PRKAR2B: variants seen among roughly 807,000 people sequenced by gnomAD.
PRKAR2B encodes the protein cAMP-dependent protein kinase type II-beta regulatory subunit.
In PRKAR2B, 14 loss-of-function variants were observed where a neutral mutation model predicts 49.9. The observed-to-expected ratio is 0.28, with a 90% CI of 0.19 to 0.44. The LOEUF (loss-of-function observed/expected upper bound fraction) is 0.44. Among genes scored for constraint, PRKAR2B ranks in the 20% least tolerant of loss-of-function variants. PRKAR2B has a pLI of 1.00. For synonymous variants in PRKAR2B, 196 were observed against 197.7 expected (o/e 0.99, Z 0.07); for missense variants, 393 against 537.9 (o/e 0.73, Z 2.67).
intron 2 of PRKAR2B, among the ~76,000 whole-genome samples, chr7:107,120,681 G>A (rs1322382862): frequency 1.3e-5 from 2 of 152,078 alleles, no homozygotes; most frequent in African/African-American, 4.8e-5. Context: ...AAGGTCAAAA[G>A]CAGTGATACT....
intron 1 of PRKAR2B, 109 bp from the exon 2 acceptor site, chr7:107,070,172 A>C (rs1794235003): frequency 3.0e-6 from 2 of 668,184 alleles, no homozygotes; most frequent in Non-Finnish European, 5.0e-6. Flanking sequence ...TTATTTATTC[A>C]TCTTTTTCTT....
At chr7:107,073,813 C>T (rs1794333780) in intron 2 of PRKAR2B, among the ~76,000 whole-genome samples, 1 of 152,144 alleles carries the variant, frequency 6.6e-6, no homozygotes, top group Non-Finnish European at 1.5e-5. Flanking sequence ...GTAATCCCAG[C>T]ACTTTGGGAG....
intron 4 of PRKAR2B, among the ~76,000 whole-genome samples, chr7:107,132,770 A>G (rs1441789324): frequency 2.6e-5 from 4 of 152,272 alleles, no homozygotes; most frequent in Admixed American, 1.3e-4. Context: ...CTTTGTGTCT[A>G]CTATTTCATT....
rs1220062171 is a variant in PRKAR2B, at chr7:107,160,058, T to C, written c.*476T>C. 1 of 153,076 alleles carries C rather than the reference T, an allele frequency of 6.5e-6. No homozygotes were observed. The highest frequency in any genetic ancestry group is 1.5e-5 in the Non-Finnish European group (1 of 68,358). The allele number at this position is 153,076 out of a possible 1,614,324, so 9.5% of individuals were successfully genotyped here. ...AGTAAAATTTTAATCATTTTTGTTTTAAAGTTTTCTAGCTTGATAAGTTAT... is the reference window on the plus strand; with the variant it reads ...AGTAAAATTTTAATCATTTTTGTTTCAAAGTTTTCTAGCTTGATAAGTTAT... On this transcript the variant is annotated 3_prime_UTR_variant, in exon 11 of 11. Transcript: ENST00000265717.
At chr7:107,114,330 G>GTGTGTACAGC (rs1213675562) in intron 2 of PRKAR2B, among the ~76,000 whole-genome samples, 1 of 38,114 alleles carries the variant, frequency 2.6e-5, no homozygotes, top group Non-Finnish European at 5.4e-5. Context: ...ACAGCTGTGT[G>GTGTGTACAGC]TGTGTGTGTG....
chr7:107,076,382 A>G (rs186723175), intron 2 of PRKAR2B, among the ~76,000 whole-genome samples: 1 of 152,120 alleles, frequency 6.6e-6, no homozygotes, highest in East Asian at 1.9e-4. Flanking sequence ...TATTGCATTT[A>G]ATTGTCATGA....
At chr7:107,144,148 A>T (rs1320570290) in intron 5 of PRKAR2B, among the ~76,000 whole-genome samples, 1 of 151,540 alleles carries the variant, frequency 6.6e-6, no homozygotes, top group Non-Finnish European at 1.5e-5. Flanking sequence ...GCAGTGGCGC[A>T]ATCTCAGCTC....
At chr7:107,063,605 G>A (rs980769473) in intron 1 of PRKAR2B, among the ~76,000 whole-genome samples, 4 of 152,170 alleles carry the variant, frequency 2.6e-5, no homozygotes, top group African/African-American at 9.7e-5. Context: ...CTGAGAGGGG[G>A]TTATTTGAGC....
At chr7:107,076,816 T>C (rs1482065574) in intron 2 of PRKAR2B, among the ~76,000 whole-genome samples, 1 of 152,226 alleles carries the variant, frequency 6.6e-6, no homozygotes, top group African/African-American at 2.4e-5. Context: ...AATTTCAATC[T>C]CACACACCTA....
chr7:107,102,979 T>G lies in PRKAR2B; in HGVS notation c.344-18973T>G, dbSNP rs147744968. 1.2e-3 allele frequency among the ~76,000 whole-genome samples: 189 copies of G among 152,272 alleles called. 1 individual carries two copies. The highest frequency in any genetic ancestry group is 4.2e-3 in the African/African-American group (173 of 41,560). ...AGCCACCATGCTCAGCTGAAAGAAA[T>G]AGTTTTTCAAAATATATTACTGCAT... On this transcript the variant is annotated intron_variant, in intron 2 of 10. Coordinates refer to ENST00000265717, the MANE Select transcript of PRKAR2B (RefSeq NM_002736.3).
At chr7:107,107,816 C>G (rs924242252) in intron 2 of PRKAR2B, among the ~76,000 whole-genome samples, 7 of 152,052 alleles carry the variant, frequency 4.6e-5, no homozygotes, top group African/African-American at 1.7e-4. Flanking sequence ...CGCCACCATG[C>G]CCAGCTAATT....
chr7:107,141,534 C>CA (rs1417452151), intron 5 of PRKAR2B, among the ~76,000 whole-genome samples: 1 of 151,630 alleles, frequency 6.6e-6, no homozygotes, highest in African/African-American at 2.4e-5. Flanking sequence ...CTACTAAATA[C>CA]AAAAAAAATT....
In PRKAR2B at chr7:107,044,841, G is replaced by C; in HGVS notation, c.-67G>C. ...CCGTAGGCGCTCGCTCGGCAGCCGCGGGGCCCTAGGCCGTGCCGGGGAGGG... is the reference window on the plus strand; with the variant it reads ...CCGTAGGCGCTCGCTCGGCAGCCGCCGGGCCCTAGGCCGTGCCGGGGAGGG... On this transcript the variant is annotated 5_prime_UTR_variant, in exon 1 of 11. Transcript: ENST00000265717. The C allele has an allele frequency of 7.9e-7, 1 of 1,262,488 alleles. No individual in the cohort carries two copies. The highest frequency in any genetic ancestry group is 1.0e-6 in the Non-Finnish European group (1 of 988,052). 78.2% of individuals were successfully genotyped at this position (1,262,488 alleles called of 1,614,324 possible). A position where few individuals can be genotyped will look rare whatever the true frequency, so the allele number is the denominator to read the frequency against.
chr7:107,098,558 C>T (rs981739941), intron 2 of PRKAR2B, among the ~76,000 whole-genome samples: 6 of 152,124 alleles, frequency 3.9e-5, no homozygotes, highest in Admixed American at 3.3e-4. Context: ...CTGTTGGTGG[C>T]GAGGAGCTGT....
intron 4 of PRKAR2B, among the ~76,000 whole-genome samples, chr7:107,133,164 A>AT (rs1795632269): frequency 6.6e-6 from 1 of 152,196 alleles, no homozygotes; most frequent in Non-Finnish European, 1.5e-5. Context: ...TGCATATTAA[A>AT]TATTTCCTAA....
At chr7:107,083,611 CTTGTTG>C (rs750753020) in intron 2 of PRKAR2B, among the ~76,000 whole-genome samples, 1 of 151,664 alleles carries the variant, frequency 6.6e-6, no homozygotes, top group Non-Finnish European at 1.5e-5. Flanking sequence ...CTAGTTTTTT[CTTGTTG>C]TTGTTGTTGT....
intron 1 of PRKAR2B, chr7:107,067,292 C>T (rs1360357057): frequency 2.0e-5 from 3 of 152,136 alleles, no homozygotes; most frequent in Non-Finnish European, 4.4e-5. Flanking sequence ...CGTTAACTTG[C>T]TGAAAGTTTG....
intron 4 of PRKAR2B, among the ~76,000 whole-genome samples, chr7:107,135,309 A>G (rs1795678788): frequency 6.6e-6 from 1 of 152,176 alleles, no homozygotes; most frequent in Admixed American, 6.5e-5. Flanking sequence ...GATTAATTTT[A>G]TGTTATGTGA....
At position 107,044,964 on chromosome 7, in the gene PRKAR2B, G is replaced by A; in HGVS notation, c.57G>A (p.Glu19=). ...LTELLQGFTV[E]VLRHQPADLL... Reference sequence around the variant, plus strand: ...AGCTGCTGCAGGGCTTCACGGTGGAGGTGCTGAGGCACCAGCCCGCGGACC... The same window carrying A: ...AGCTGCTGCAGGGCTTCACGGTGGAAGTGCTGAGGCACCAGCCCGCGGACC... The change falls in exon 1 of 11, where the codon GAG becomes GAA. Residue 19 remains glutamate (E), a synonymous_variant. Coordinates refer to ENST00000265717, the MANE Select transcript of PRKAR2B (RefSeq NM_002736.3). The A allele has an allele frequency of 1.3e-6, 2 of 1,592,392 alleles. No homozygotes were observed. The highest frequency in any genetic ancestry group is 1.7e-6 in the Non-Finnish European group (2 of 1,172,000).
Sources: gnomAD v4.1 joint callset for allele counts (sites outside exome capture counted in the v4.1 genomes callset) on GRCh38, gnomAD v4.1.1 for gene constraint, MANE v1.5 for transcripts, NCBI Gene and HGNC (gene_info 2026-07-23, HGNC 2026-07-21) for gene names.